The following CCSER1 variants were observed in gnomAD, a reference collection of about 807,000 sequenced individuals.
CCSER1 encodes the protein coiled-coil serine rich protein 1.
CCSER1 carries 41 observed loss-of-function variants against 82.0 expected under a neutral mutation model. That is an observed-to-expected ratio of 0.50 (90% CI 0.39 to 0.65). CCSER1 has a LOEUF of 0.65. CCSER1 is among the 30% of genes least tolerant of loss of function. CCSER1 has a pLI of 0.00. For missense variants in CCSER1, 1,119 were observed against 1,064.2 expected, an observed-to-expected ratio of 1.05 and a Z score of -0.72; for synonymous variants, 414 against 383.9, an observed-to-expected ratio of 1.08 and a Z score of -0.92.
intron 10 of CCSER1, among the ~76,000 whole-genome samples, chr4:91,371,072 A>G (rs1750009376): frequency 6.6e-6 from 1 of 152,080 alleles, no homozygotes. Flanking sequence ...CATATTGGCC[A>G]GGCTTATCTC....
At chr4:91,434,872 G>A (rs1027813657) in intron 10 of CCSER1, among the ~76,000 whole-genome samples, 2 of 152,168 alleles carry the variant, frequency 1.3e-5, no homozygotes, top group South Asian at 4.1e-4. Flanking sequence ...GTCCAATGAT[G>A]ATGACATCAG....
At chr4:91,093,818 A>C (rs1724221965) in intron 10 of CCSER1, among the ~76,000 whole-genome samples, 1 of 152,198 alleles carries the variant, frequency 6.6e-6, no homozygotes, top group Non-Finnish European at 1.5e-5. Flanking sequence ...TCCCCATTCA[A>C]AAGGCTCCCA....
intron 10 of CCSER1, among the ~76,000 whole-genome samples, chr4:91,287,500 T>G (rs1743373396): frequency 6.6e-6 from 1 of 151,988 alleles, no homozygotes; most frequent in South Asian, 2.1e-4. Flanking sequence ...GGACCAAGCT[T>G]CCACAGTAGT....
intron 10 of CCSER1, among the ~76,000 whole-genome samples, chr4:91,591,102 G>A (rs969457295): frequency 6.6e-6 from 1 of 152,018 alleles, no homozygotes; most frequent in African/African-American, 2.4e-5. Flanking sequence ...TGACAGAGAG[G>A]TACCCTGGCT....
intron 1 of CCSER1, among the ~76,000 whole-genome samples, chr4:90,157,521 T>C (rs1728491982): frequency 6.6e-6 from 1 of 152,216 alleles, no homozygotes; most frequent in African/African-American, 2.4e-5. Context: ...CAATCAGACG[T>C]AGATTTGGTG....
intron 3 of CCSER1, among the ~76,000 whole-genome samples, chr4:90,323,934 C>T (rs543092759): frequency 6.6e-6 from 1 of 151,966 alleles, no homozygotes; most frequent in South Asian, 2.1e-4. Context: ...GTTTTTTGTT[C>T]TTGCGATAGT....
chr4:91,191,427 C>T (rs72669271), intron 10 of CCSER1, among the ~76,000 whole-genome samples: 6,456 of 152,248 alleles, frequency 0.042, 200 homozygotes, highest in Non-Finnish European at 0.064. Flanking sequence ...AACTGCCCAA[C>T]CTTCGAACCT....
intron 10 of CCSER1, among the ~76,000 whole-genome samples, chr4:91,567,410 T>G (rs1279308909): frequency 6.6e-6 from 1 of 151,930 alleles, no homozygotes; most frequent in African/African-American, 2.4e-5. Context: ...TTTGGTCCAA[T>G]GTTGAATTCA....
At chr4:90,808,680 C>T (rs1057420734) in intron 7 of CCSER1, among the ~76,000 whole-genome samples, 1 of 152,046 alleles carries the variant, frequency 6.6e-6, no homozygotes, top group Non-Finnish European at 1.5e-5. Flanking sequence ...CCATTAAAAC[C>T]ACAATGAGAT....
chr4:91,457,106 A>G (rs900320278), intron 10 of CCSER1, among the ~76,000 whole-genome samples: 1 of 152,090 alleles, frequency 6.6e-6, no homozygotes, highest in Non-Finnish European at 1.5e-5. Context: ...CAGTTTCCCA[A>G]ATTTACCTTT....
intron 8 of CCSER1, among the ~76,000 whole-genome samples, chr4:90,919,063 T>G (rs1455971154): frequency 7.4e-6 from 1 of 134,464 alleles, no homozygotes; most frequent in African/African-American, 2.9e-5. Context: ...TGGTAAATCT[T>G]AAGTAATCTT....
chr4:91,346,389 G>T (rs1748058404), intron 10 of CCSER1, among the ~76,000 whole-genome samples: 1 of 152,096 alleles, frequency 6.6e-6, no homozygotes, highest in Admixed American at 6.5e-5. Flanking sequence ...ACCTATTCAA[G>T]GGTATCTTGG....
chr4:91,489,564 G>C (rs532842642), intron 10 of CCSER1, among the ~76,000 whole-genome samples: 170 of 152,228 alleles, frequency 1.1e-3, no homozygotes, highest in Non-Finnish European at 2.0e-3. Context: ...CAGCACTGTG[G>C]GAGGTTGAGG....
intron 10 of CCSER1, among the ~76,000 whole-genome samples, chr4:91,433,023 A>C (rs1031127451): frequency 6.6e-6 from 1 of 152,164 alleles, no homozygotes; most frequent in Non-Finnish European, 1.5e-5. Context: ...CAATGTGAAA[A>C]TGACTGAGAA....
chr4:90,257,589 T>TAGA (rs1560891552), intron 1 of CCSER1, among the ~76,000 whole-genome samples: 8 of 149,306 alleles, frequency 5.4e-5, no homozygotes, highest in African/African-American at 2.0e-4. Flanking sequence ...ACATAGATAC[T>TAGA]TAGATAGATA....
chr4:90,389,535 A>G (rs760000140), intron 3 of CCSER1, among the ~76,000 whole-genome samples: 4 of 152,198 alleles, frequency 2.6e-5, no homozygotes, highest in Admixed American at 6.5e-5. Flanking sequence ...TATTATTATC[A>G]TTTAGTGACA....
At chr4:90,195,434 G>A (rs140822979) in intron 1 of CCSER1, among the ~76,000 whole-genome samples, 5 of 152,090 alleles carry the variant, frequency 3.3e-5, no homozygotes, top group African/African-American at 1.2e-4. Flanking sequence ...ATGATCAGTG[G>A]TTTCCAGGGA....
chr4:91,063,242 G>T (rs1744105229), intron 9 of CCSER1, among the ~76,000 whole-genome samples: 1 of 152,064 alleles, frequency 6.6e-6, no homozygotes, highest in Admixed American at 6.6e-5. Flanking sequence ...GAGACCAGTT[G>T]CAACTTTGCA....
intron 1 of CCSER1, among the ~76,000 whole-genome samples, chr4:90,285,087 C>T (rs1729616362): frequency 6.6e-6 from 1 of 151,990 alleles, no homozygotes; most frequent in African/African-American, 2.4e-5. Context: ...AATGCAATTG[C>T]TCCAGTTTTG....
Sources: allele counts gnomAD v4.1 joint callset (sites outside exome capture counted in the v4.1 genomes callset), GRCh38; gene constraint gnomAD v4.1.1; transcripts MANE v1.5; gene names NCBI Gene and HGNC (gene_info 2026-07-23, HGNC 2026-07-21).